The following ERVW-1 variants were observed in gnomAD, a reference collection of about 807,000 sequenced individuals.
The protein encoded by ERVW-1 is endogenous retrovirus group W member 1, envelope.
ERVW-1 carries 21 observed loss-of-function variants against 16.6 expected under a neutral mutation model. That is an observed-to-expected ratio of 1.26 (90% CI 0.90 to 1.82). The LOEUF (loss-of-function observed/expected upper bound fraction) is 1.82. ERVW-1 is among the 40% of genes most tolerant of loss of function. The pLI is 0.00. For synonymous variants in ERVW-1, 161 were observed against 109.8 expected, an observed-to-expected ratio of 1.47 and a Z score of -2.92; for missense variants, 412 against 300.2, an observed-to-expected ratio of 1.37 and a Z score of -2.75.
At chr7:92,474,865 C>T (rs189664253) in intron 1 of ERVW-1, 1 of 152,280 alleles carries the variant, frequency 6.6e-6, no homozygotes, top group Non-Finnish European at 1.5e-5. Context: ...GCCGAATTCT[C>T]TTCCTCCCAC....
chr7:92,470,363 T>C lies in ERVW-1; in HGVS notation c.19A>G (p.Ile7Val). The change falls in exon 2 of 2, where the codon ATT becomes GTT. Residue 7 changes from isoleucine to valine, a missense_variant. Physicochemically the swap from Ile to Val is conservative, Grantham distance 29. Coordinates refer to ENST00000603053, the MANE Select transcript of ERVW-1 (RefSeq NM_001130925.2). Reference sequence around the variant, plus strand: ...GGTAAAAGAACAGTAAAGAGAAAAATATGATAAGGGAGGGCCATGGGGATT... The same window carrying C: ...GGTAAAAGAACAGTAAAGAGAAAAACATGATAAGGGAGGGCCATGGGGATT... MALPYH[I>V]FLFTVLLPSF... 1.4e-6 allele frequency: 1 copy of C among 713,672 alleles called. No homozygotes were observed. The allele number at this position is 713,672 out of a possible 1,614,324, so 44.2% of individuals were successfully genotyped here. A position where few individuals can be genotyped will look rare whatever the true frequency, so the allele number is the denominator to read the frequency against.
In ERVW-1 at chr7:92,469,082, T is replaced by C; in HGVS notation, c.1300A>G (p.Asn434Asp). Residue 434 changes from asparagine (N) to aspartate (D), a missense_variant, in exon 2 of 2, where the codon AAC becomes GAC. Transcript: ENST00000603053. ...RIQRRAEELR[N>D]TGPWGLLSQW... ...CTGAGGAGGCCCCAGGGTCCAGTGT[T>C]TCGAAGCTCCTCTGCTCTACGTTGT... 1.4e-6 allele frequency: 1 copy of C among 703,226 alleles called. No individual in the cohort carries two copies. Among genetic ancestry groups the C allele is most frequent in the Non-Finnish European group, 2.6e-6 (1 of 385,954 alleles). 43.6% of individuals were successfully genotyped at this position (703,226 alleles called of 1,614,324 possible).
At chr7:92,473,817 A>G (rs1404126092) in intron 1 of ERVW-1, among the ~76,000 whole-genome samples, 2 of 151,936 alleles carry the variant, frequency 1.3e-5, no homozygotes, top group Non-Finnish European at 2.9e-5. Context: ...CTGGCCCTCA[A>G]TGGTCAAGCA....
At chr7:92,471,508 G>A (rs1790348516) in intron 1 of ERVW-1, 2 of 152,214 alleles carry the variant, frequency 1.3e-5, no homozygotes, top group Admixed American at 1.3e-4. Context: ...GCCGTCCCGA[G>A]GGGAGAAAAC....
At position 92,469,348 on chromosome 7, in the gene ERVW-1, TGAGTA is replaced by T; in HGVS notation, c.1029_1033del (p.Thr344ValfsTer28). 1 of 765,534 alleles carries T rather than the reference TGAGTA, an allele frequency of 1.3e-6. No individual in the cohort carries two copies. The highest frequency in any genetic ancestry group is 2.4e-6 in the Non-Finnish European group (1 of 417,890). The allele number at this position is 765,534 out of a possible 1,614,324, so 47.4% of individuals were successfully genotyped here. ...TTCTTGAGATAGTTTGTAGTAGAAC[TGAGTA>T]GAGGTTGTGATACCGCCAATGCCAG... On this transcript the variant is annotated frameshift_variant, in exon 2 of 2. Coordinates refer to ENST00000603053, the MANE Select transcript of ERVW-1 (RefSeq NM_001130925.2). LOFTEE classifies it high-confidence loss of function.
Position 92,470,427 on chromosome 7 carries a change from G to A in ERVW-1, c.-46C>T, listed in dbSNP as rs1443091417. ...ACTTTCCTCCTGGTTGTTGTTTGAAGAGCAGGCGCAAATCCTCTAGAGGTT... is the reference window on the plus strand; with the variant it reads ...ACTTTCCTCCTGGTTGTTGTTTGAAAAGCAGGCGCAAATCCTCTAGAGGTT... On this transcript the variant is annotated 5_prime_UTR_variant, in exon 2 of 2. Transcript: ENST00000603053. 1.6e-6 allele frequency: 1 copy of A among 643,612 alleles called. No homozygotes were observed. The highest frequency in any genetic ancestry group is 2.8e-5 in the Admixed American group (1 of 36,188). 39.9% of individuals were successfully genotyped at this position (643,612 alleles called of 1,614,324 possible).
intron 1 of ERVW-1, among the ~76,000 whole-genome samples, chr7:92,474,100 A>G (rs1451994678): frequency 2.6e-5 from 4 of 151,932 alleles, no homozygotes; most frequent in Non-Finnish European, 5.9e-5. Flanking sequence ...CCTTTTCCAG[A>G]GCCTCCAAAG....
rs564890850 is a variant in ERVW-1 at position 92,468,636 on chromosome 7, T to C, written c.*129A>G. 2.5e-4 allele frequency: 147 copies of C among 580,592 alleles called. No individual in the cohort carries two copies. Among genetic ancestry groups the C allele is most frequent in the Non-Finnish European group, 4.0e-4 (131 of 327,320 alleles). 36.0% of individuals were successfully genotyped at this position (580,592 alleles called of 1,614,324 possible). ...TGCAAGCCCCGTGTTTAAAGGTGGA[T>C]GTGGTCACCTTCCCAGCTAGGCTTA... On this transcript the variant is annotated 3_prime_UTR_variant, in exon 2 of 2. Coordinates refer to ENST00000603053, the MANE Select transcript of ERVW-1 (RefSeq NM_001130925.2).
intron 1 of ERVW-1, among the ~76,000 whole-genome samples, chr7:92,475,939 C>T (rs1328944452): frequency 6.6e-6 from 1 of 152,222 alleles, no homozygotes; most frequent in African/African-American, 2.4e-5. Flanking sequence ...GTGCAAACAG[C>T]TCACACGTTT....
intron 1 of ERVW-1, chr7:92,471,006 C>T (rs1296858740): frequency 6.0e-6 from 1 of 167,088 alleles, no homozygotes; most frequent in Non-Finnish European, 1.5e-5. Flanking sequence ...ATATCGTATA[C>T]CTAACGCCTG....
chr7:92,474,251 C>T (rs1483244899), intron 1 of ERVW-1, among the ~76,000 whole-genome samples: 1 of 152,100 alleles, frequency 6.6e-6, no homozygotes, highest in Non-Finnish European at 1.5e-5. Flanking sequence ...TGCTCCGGGC[C>T]TACGGCAGAC....
At position 92,470,177 on chromosome 7, in the gene ERVW-1, G is replaced by T. The variant is rs757209053; in HGVS notation, c.205C>A (p.Pro69Thr). Residue 69 changes from proline (P) to threonine (T), a missense_variant, in exon 2 of 2, where the codon CCC (proline) becomes ACC (threonine). Pro to Thr is a conservative substitution (Grantham distance 38, BLOSUM62 -1). Transcript: ENST00000603053. ...TPTFTAHTHM[P>T]RNCYHSATLC... is the part of the protein sequence containing the mutation. ...GTGGCAGAGTGATAGCAGTTGCGGG[G>T]CATATGGGTGTGGGCAGTGAAGGTG... 1 of 778,642 alleles carries T rather than the reference G, an allele frequency of 1.3e-6. No individual in the cohort carries two copies. The highest frequency in any genetic ancestry group is 2.4e-6 in the Non-Finnish European group (1 of 417,908). 48.2% of individuals were successfully genotyped at this position (778,642 alleles called of 1,614,324 possible).
intron 1 of ERVW-1, among the ~76,000 whole-genome samples, chr7:92,474,044 G>T (rs573196927): frequency 6.6e-6 from 1 of 151,938 alleles, no homozygotes; most frequent in African/African-American, 2.4e-5. Flanking sequence ...CTTGTAGACC[G>T]CACTGGAAGC....
intron 1 of ERVW-1, among the ~76,000 whole-genome samples, chr7:92,476,304 T>TA (rs1330642440): frequency 3.9e-5 from 6 of 152,236 alleles, no homozygotes; most frequent in African/African-American, 1.2e-4. Context: ...AGGTTTCCTC[T>TA]AAAAGTTACT....
chr7:92,468,941 C>G lies in ERVW-1; in HGVS notation c.1441G>C (p.Glu481Gln). 1.3e-6 allele frequency: 1 copy of G among 763,906 alleles called. No individual in the cohort carries two copies. Among genetic ancestry groups the G allele is most frequent in the Non-Finnish European group, 2.4e-6 (1 of 417,846 alleles). The allele number at this position is 763,906 out of a possible 1,614,324, so 47.3% of individuals were successfully genotyped here. A position where few individuals can be genotyped will look rare whatever the true frequency, so the allele number is the denominator to read the frequency against. ...GGCTCCATTTGTAGTTTTACAGCTT[C>G]GATTCTGGAAGAGACAAAGTTAACA... ...LLVNFVSSRI[E>Q]AVKLQMEPKM... Residue 481 changes from glutamate to glutamine, a missense_variant, in exon 2 of 2, where the codon GAA (glutamate) becomes CAA (glutamine). By Grantham distance (29) the Glu-to-Gln change is conservative (BLOSUM62 2). Coordinates refer to ENST00000603053, the MANE Select transcript of ERVW-1 (RefSeq NM_001130925.2).
Position 92,470,276 on chromosome 7 carries a change from C to T in ERVW-1, c.106G>A (p.Glu36Lys). Residue 36 changes from glutamate to lysine, a missense_variant, in exon 2 of 2, where the codon GAG becomes AAG. By Grantham distance (56) the Glu-to-Lys change is moderately conservative. Transcript: ENST00000603053. ...RCMTSSSPYQ[E>K]FLWRMQRPGN... ...GGACGCTGCATTCTCCATAGAAACT[C>T]TTGGTAAGGGGAGCTACTGGTCATA... is the stretch of plus-strand genomic sequence containing the variant. 1 of 778,554 alleles carries T rather than the reference C, an allele frequency of 1.3e-6. No homozygotes were observed. The highest frequency in any genetic ancestry group is 1.3e-5 in the South Asian group (1 of 74,452). 48.2% of individuals were successfully genotyped at this position (778,554 alleles called of 1,614,324 possible).
chr7:92,472,032 A>G (rs1044294670), intron 1 of ERVW-1: 1 of 152,188 alleles, frequency 6.6e-6, no homozygotes, highest in African/African-American at 2.4e-5. Flanking sequence ...TCCTTTTTCT[A>G]CAAAGGAACT....
In ERVW-1 at chr7:92,469,541, T is replaced by C. The variant is rs772865931; in HGVS notation, c.841A>G (p.Asn281Asp). The change falls in exon 2 of 2, where the codon AAT becomes GAT. Residue 281 changes from asparagine to aspartate, a missense_variant. Transcript: ENST00000603053. Reference protein sequence around the residue: ...VCGTSAYRCLNGSSESMCFLS... With the variant: ...VCGTSAYRCLDGSSESMCFLS... ...AAGCACATAGATTCTGAAGAGCCAT[T>C]CAAACAACGATAGGCTGAGGTACCA... The C allele has an allele frequency of 3.9e-6, 3 of 766,460 alleles. No homozygotes were observed. The highest frequency in any genetic ancestry group is 3.4e-5 in the African/African-American group (2 of 59,084). 47.5% of individuals were successfully genotyped at this position (766,460 alleles called of 1,614,324 possible). A position where few individuals can be genotyped will look rare whatever the true frequency, so the allele number is the denominator to read the frequency against.
chr7:92,470,525 G>C lies in ERVW-1; in HGVS notation c.-144C>G. The C allele has an allele frequency of 1.7e-6, 1 of 591,250 alleles. No homozygotes were observed. The highest frequency in any genetic ancestry group is 1.9e-5 in the African/African-American group (1 of 53,654). 36.6% of individuals were successfully genotyped at this position (591,250 alleles called of 1,614,324 possible). A position where few individuals can be genotyped will look rare whatever the true frequency, so the allele number is the denominator to read the frequency against. ...AGTATCCAGGATTTGACTCAAGTGTGATGTATCCAAGACTCCACTCCAGCC... is the reference window on the plus strand; with the variant it reads ...AGTATCCAGGATTTGACTCAAGTGTCATGTATCCAAGACTCCACTCCAGCC... On this transcript the variant is annotated 5_prime_UTR_variant, in exon 2 of 2. In the 5' UTR this introduces an upstream ATG that the reference lacks. Transcript: ENST00000603053.
Sources: allele counts gnomAD v4.1 joint callset (sites outside exome capture counted in the v4.1 genomes callset), GRCh38; gene constraint gnomAD v4.1.1; transcripts MANE v1.5; gene names NCBI Gene and HGNC (gene_info 2026-07-23, HGNC 2026-07-21).